The following PPP1R13L variants were observed in gnomAD, a reference collection of about 807,000 sequenced individuals.
PPP1R13L encodes protein phosphatase 1 regulatory subunit 13 like, also known as relA-associated inhibitor.
In PPP1R13L, 50 loss-of-function variants were observed where a neutral mutation model predicts 80.9. The observed-to-expected ratio is 0.62, with a 90% confidence interval of 0.49 to 0.78. The LOEUF (loss-of-function observed/expected upper bound fraction) is 0.78. Ranked by LOEUF, PPP1R13L falls within the 30% of genes least tolerant of loss-of-function variation. PPP1R13L has a pLI of 0.00. For synonymous variants in PPP1R13L, 602 were observed against 534.3 expected, an observed-to-expected ratio of 1.13 and a Z score of -1.75; for missense variants, 1,200 against 1,205.9, an observed-to-expected ratio of 1.00 and a Z score of 0.07.
In PPP1R13L at chr19:45,391,910, C is replaced by G; in HGVS notation, c.1785G>C (p.Gln595His). The G allele has an allele frequency of 6.7e-7, 1 of 1,496,688 alleles. No individual in the cohort carries two copies. Among genetic ancestry groups the G allele is most frequent in the Non-Finnish European group, 8.9e-7 (1 of 1,126,808 alleles). The allele number at this position is 1,496,688 out of a possible 1,614,324, so 92.7% of individuals were successfully genotyped here. ...TCTGCGGCTGCTCTGGTGGGCTGCT[C>G]TGGGACGGGGCCGGGGGTGGAATGG... is the stretch of plus-strand genomic sequence containing the variant. ...PAPIPPPAPSQSSPPEQPQSM... is the reference protein window; with the variant it reads ...PAPIPPPAPSHSSPPEQPQSM... Residue 595 changes from glutamine to histidine, a missense_variant, in exon 8 of 13, where the codon CAG becomes CAC. By Grantham distance (24) the Gln-to-His change is conservative (BLOSUM62 0). Coordinates refer to ENST00000360957, the MANE Select transcript of PPP1R13L (RefSeq NM_006663.4).
chr19:45,392,727 C>A, intron 7 of PPP1R13L: 1 of 321,604 alleles, frequency 3.1e-6, no homozygotes, highest in Non-Finnish European at 5.9e-6. Flanking sequence ...TTCTACCAAC[C>A]GTGATAGATG....
intron 8 of PPP1R13L, 124 bp downstream of exon 8, chr19:45,391,756 G>A: frequency 1.4e-6 from 1 of 700,124 alleles, no homozygotes; most frequent in Non-Finnish European, 2.1e-6. Context: ...GCAAACTCTT[G>A]GACTTCTACT....
At chr19:45,381,059 T>A (rs1007809285) in intron 12 of PPP1R13L, among the ~76,000 whole-genome samples, 3 of 147,582 alleles carry the variant, frequency 2.0e-5, no homozygotes, top group South Asian at 2.1e-4. Context: ...TATTTATATA[T>A]TATATATTTA....
rs999306731 is a variant in PPP1R13L at position 45,379,810 on chromosome 19, T to C, written c.*380A>G. On this transcript the variant is annotated 3_prime_UTR_variant, in exon 13 of 13. Transcript: ENST00000360957. The stretch of plus-strand genomic sequence containing the variant: ...CTGCTGGGAGAGATGGTGTCAGCAG[T>C]GACTCCCAGGAATATCCAGTGGTGT... 12 of 194,012 alleles carry C rather than the reference T, an allele frequency of 6.2e-5. No homozygotes were observed. The highest frequency in any genetic ancestry group is 4.6e-4 in the Admixed American group (8 of 17,490). The allele number at this position is 194,012 out of a possible 1,614,324, so 12.0% of individuals were successfully genotyped here.
rs1223702968 is a variant in PPP1R13L at position 45,396,046 on chromosome 19, G to T, written c.903+122C>A. ...AGAAACCCAGCACAGTGAAGGGAGA[G>T]CGTGGGAACGGGCGCCGAGACCCAG... On this transcript the variant is annotated intron_variant, in intron 6 of 12. Transcript: ENST00000360957. The surrounding 1 kb of genome is among the most constrained non-coding windows in gnomAD (Gnocchi z 5.3). 5.4e-6 allele frequency: 7 copies of T among 1,303,054 alleles called. No homozygotes were observed. The highest frequency in any genetic ancestry group is 1.5e-5 in the African/African-American group (1 of 67,918). 80.7% of individuals were successfully genotyped at this position (1,303,054 alleles called of 1,614,324 possible).
Position 45,395,812 on chromosome 19 carries a change from C to T in PPP1R13L, c.978G>A (p.Ala326=), listed in dbSNP as rs577984959. 9 of 1,589,292 alleles carry T rather than the reference C, an allele frequency of 5.7e-6. No individual in the cohort carries two copies. The highest frequency in any genetic ancestry group is 2.3e-5 in the East Asian group (1 of 44,170). ...AGCCCAGCGAGCGCCGGTAGCTGCC[C>T]GCGTCTGAACGCCGGTCGCTGGCCA... ...SPLASDRRSD[A]GSYRRSLGSA... The change falls in exon 7 of 13, where the codon GCG becomes GCA. Residue 326 remains alanine, a synonymous_variant. Coordinates refer to ENST00000360957, the MANE Select transcript of PPP1R13L (RefSeq NM_006663.4).
intron 1 of PPP1R13L, among the ~76,000 whole-genome samples, chr19:45,401,829 G>C (rs1211680489): frequency 6.6e-6 from 1 of 152,062 alleles, no homozygotes; most frequent in Admixed American, 6.6e-5. Flanking sequence ...GCCGGGCATG[G>C]TAGCTTCTGC....
Position 45,396,588 on chromosome 19 carries a change from T to C in PPP1R13L, c.669A>G (p.Leu223=). ...GGGCGAATGCGCTGCCGCCGGAGCCTAGCAGGGAGCTCCCGAAGGCGGACG... is the reference window on the plus strand; with the variant it reads ...GGGCGAATGCGCTGCCGCCGGAGCCCAGCAGGGAGCTCCCGAAGGCGGACG... ...APASAFGSSL[L]GSGGSAFAPP... The change falls in exon 4 of 13, where the codon CTA becomes CTG. Residue 223 remains leucine, a synonymous_variant. Coordinates refer to ENST00000360957, the MANE Select transcript of PPP1R13L (RefSeq NM_006663.4). The surrounding 1 kb of genome is among the most constrained non-coding windows in gnomAD (Gnocchi z 5.3). The C allele has an allele frequency of 1.3e-6, 2 of 1,499,452 alleles. No individual in the cohort carries two copies. The highest frequency in any genetic ancestry group is 8.8e-7 in the Non-Finnish European group (1 of 1,133,200). 92.9% of individuals were successfully genotyped at this position (1,499,452 alleles called of 1,614,324 possible). A position where few individuals can be genotyped will look rare whatever the true frequency, so the allele number is the denominator to read the frequency against.
In PPP1R13L at chr19:45,396,506, C is replaced by T; in HGVS notation, c.712+39G>A. ...GCCCCGGATCCTGCCCGCTTTGACC[C>T]CGCGAGTCAAAGGCCCCGCGAGGGG... On this transcript the variant is annotated intron_variant, in intron 4 of 12. Transcript: ENST00000360957. This position sits in a 1 kb window ranked among gnomAD's most constrained non-coding sequence, Gnocchi z 5.3. 7 of 1,604,256 alleles carry T rather than the reference C, an allele frequency of 4.4e-6. No homozygotes were observed. Among genetic ancestry groups the T allele is most frequent in the Non-Finnish European group, 6.0e-6 (7 of 1,176,292 alleles).
At chr19:45,385,006 C>A (rs1259858399) in intron 11 of PPP1R13L, among the ~76,000 whole-genome samples, 1 of 152,118 alleles carries the variant, frequency 6.6e-6, no homozygotes, top group African/African-American at 2.4e-5. Context: ...CTTGCCCACA[C>A]CGAGATACAA....
intron 12 of PPP1R13L, among the ~76,000 whole-genome samples, chr19:45,381,981 C>T (rs1972770710): frequency 1.3e-5 from 2 of 151,982 alleles, no homozygotes. Context: ...TGGCTCATGC[C>T]TGTAATCCCA....
chr19:45,395,826 GGTCGCT>G lies in PPP1R13L; in HGVS notation c.958_963del (p.Ser320_Asp321del). ...CGGTAGCTGCCCGCGTCTGAACGCC[GGTCGCT>G]GGCCAGAGGAGAGACCTTGTAATTG... On this transcript the variant is annotated inframe_deletion, in exon 7 of 13. Transcript: ENST00000360957. The G allele has an allele frequency of 6.3e-7, 1 of 1,595,316 alleles. No individual in the cohort carries two copies. Among genetic ancestry groups the G allele is most frequent in the Non-Finnish European group, 8.5e-7 (1 of 1,172,868 alleles).
At chr19:45,383,293 CTTTTTTTTTTT>C (rs1164667426) in intron 11 of PPP1R13L, among the ~76,000 whole-genome samples, 1 of 62,828 alleles carries the variant, frequency 1.6e-5, no homozygotes, top group African/African-American at 8.1e-5. Flanking sequence ...CGCGCCCGGC[CTTTTTTTTTTT>C]TTTTTTTTTT....
Position 45,396,897 on chromosome 19 carries a change from C to G in PPP1R13L, c.360G>C (p.Ser120=), listed in dbSNP as rs762419017. The change falls in exon 4 of 13, where the codon TCG becomes TCC. Residue 120 remains serine (S), a synonymous_variant. Coordinates refer to ENST00000360957, the MANE Select transcript of PPP1R13L (RefSeq NM_006663.4). This position sits in a 1 kb window ranked among gnomAD's most constrained non-coding sequence, Gnocchi z 5.3. ...SPLSPKGRPS[S]PRTPLYLQPD... is the part of the protein sequence containing the mutation. Reference sequence around the variant, plus strand: ...GCTGCAGGTAGAGCGGGGTGCGCGGCGACGACGGCCGTCCCTTGGGGGACA... The same window carrying G: ...GCTGCAGGTAGAGCGGGGTGCGCGGGGACGACGGCCGTCCCTTGGGGGACA... 1.3e-6 allele frequency: 2 copies of G among 1,516,376 alleles called. No individual in the cohort carries two copies. The highest frequency in any genetic ancestry group is 1.8e-6 in the Non-Finnish European group (2 of 1,140,030). The allele number at this position is 1,516,376 out of a possible 1,614,324, so 93.9% of individuals were successfully genotyped here.
Position 45,396,809 on chromosome 19 carries a change from C to A in PPP1R13L, c.448G>T (p.Gly150Cys). 1 of 1,432,460 alleles carries A rather than the reference C, an allele frequency of 7.0e-7. No individual in the cohort carries two copies. The highest frequency in any genetic ancestry group is 9.1e-7 in the Non-Finnish European group (1 of 1,101,138). 88.7% of individuals were successfully genotyped at this position (1,432,460 alleles called of 1,614,324 possible). A position where few individuals can be genotyped will look rare whatever the true frequency, so the allele number is the denominator to read the frequency against. Residue 150 changes from glycine (G) to cysteine (C), a missense_variant, in exon 4 of 13, where the codon GGC (glycine) becomes TGC (cysteine). Transcript: ENST00000360957. The surrounding 1 kb of genome is among the most constrained non-coding windows in gnomAD (Gnocchi z 5.3). ...SPRPRAFDGA[G>C]SSLGRAPSPR... ...GAGGGCGCACGGCCGAGGGAGCTGC[C>A]TGCGCCATCGAAGGCGCGGGGCCGG... is the stretch of plus-strand genomic sequence containing the variant.
chr19:45,399,069 G>A (rs1219365148), intron 1 of PPP1R13L, among the ~76,000 whole-genome samples: 1 of 151,556 alleles, frequency 6.6e-6, no homozygotes, highest in East Asian at 2.0e-4. Flanking sequence ...TCAGCCTCCC[G>A]AGTAGCTGGG....
At position 45,395,627 on chromosome 19, in the gene PPP1R13L, C is replaced by T. The variant is rs201478913; in HGVS notation, c.1163G>A (p.Ser388Asn). ...GGGGGACCCAGGGAGCATGGCGCGGCTGGCCCCGTGCTCCCAGAAGGCGTT... is the reference window on the plus strand; with the variant it reads ...GGGGGACCCAGGGAGCATGGCGCGGTTGGCCCCGTGCTCCCAGAAGGCGTT... The part of the protein sequence containing the change: ...LQNAFWEHGA[S>N]RAMLPGSPLF... Residue 388 changes from serine (S) to asparagine (N), a missense_variant, in exon 7 of 13, where the codon AGC becomes AAC. Ser to Asn is a conservative substitution (Grantham distance 46). Around this residue, in one of 5 missense-constraint regions of PPP1R13L, gnomAD observed 764 missense variants for 714.5 expected, o/e 1.07. Transcript: ENST00000360957. 1,645 of 1,473,686 alleles carry T rather than the reference C, an allele frequency of 1.1e-3. 3 individuals are homozygous for T. Among genetic ancestry groups the T allele is most frequent in the Admixed American group, 5.8e-3 (239 of 41,090 alleles). 91.3% of individuals were successfully genotyped at this position (1,473,686 alleles called of 1,614,324 possible).
Position 45,379,859 on chromosome 19 carries a change from G to A in PPP1R13L, c.*331C>T. ...GTGGTGGCCCATCCCAGGCCCGGCT[G>A]GGCAGGTGGCTGGCTTGCTGGGGGA... is the stretch of plus-strand genomic sequence containing the variant. On this transcript the variant is annotated 3_prime_UTR_variant, in exon 13 of 13. Transcript: ENST00000360957. The A allele has an allele frequency of 4.0e-6, 1 of 248,026 alleles. No homozygotes were observed. Among genetic ancestry groups the A allele is most frequent in the Non-Finnish European group, 7.9e-6 (1 of 126,614 alleles). The allele number at this position is 248,026 out of a possible 1,614,324, so 15.4% of individuals were successfully genotyped here. A position where few individuals can be genotyped will look rare whatever the true frequency, so the allele number is the denominator to read the frequency against.
chr19:45,402,293 G>A (rs1324454873), intron 1 of PPP1R13L, among the ~76,000 whole-genome samples: 1 of 152,130 alleles, frequency 6.6e-6, no homozygotes, highest in African/African-American at 2.4e-5. Context: ...CCTGTGGTTA[G>A]GCTGGTCTCG....
Sources: allele counts gnomAD v4.1 joint callset (sites outside exome capture counted in the v4.1 genomes callset), GRCh38; gene constraint gnomAD v4.1.1; regional missense constraint gnomAD v4.1.1; non-coding constraint Gnocchi (gnomAD v3.1); transcripts MANE v1.5; gene names NCBI Gene and HGNC (gene_info 2026-07-23, HGNC 2026-07-21).